The following ASTN1 variants were observed in gnomAD, a reference collection of about 807,000 sequenced individuals.
The protein encoded by ASTN1 is astrotactin-1.
ASTN1 carries 41 observed loss-of-function variants against 140.7 expected under a neutral mutation model. That is an observed-to-expected ratio of 0.29 (90% CI 0.23 to 0.38). ASTN1 has a LOEUF of 0.38. Among genes scored for constraint, ASTN1 ranks in the 10% least tolerant of loss-of-function variants. The pLI, the probability that ASTN1 is intolerant of heterozygous loss-of-function variation, is 1.00. For synonymous variants in ASTN1, 640 were observed against 652.2 expected, an observed-to-expected ratio of 0.98 and a Z score of 0.29; for missense variants, 1,479 against 1,678.8, an observed-to-expected ratio of 0.88 and a Z score of 2.08.
chr1:177,011,417 C>A (rs1186217227), intron 8 of ASTN1, among the ~76,000 whole-genome samples: 1 of 152,142 alleles, frequency 6.6e-6, no homozygotes, highest in Non-Finnish European at 1.5e-5. Flanking sequence ...AGGAACCCAT[C>A]TTCTTCTATA....
At chr1:177,067,847 G>A (rs931786147) in intron 1 of ASTN1, among the ~76,000 whole-genome samples, 1 of 152,114 alleles carries the variant, frequency 6.6e-6, no homozygotes, top group African/African-American at 2.4e-5. Context: ...CAGAGAGGAG[G>A]AACAAAGTCA....
At chr1:176,993,663 T>C (rs1674295628) in intron 8 of ASTN1, among the ~76,000 whole-genome samples, 1 of 152,184 alleles carries the variant, frequency 6.6e-6, no homozygotes, top group African/African-American at 2.4e-5. Flanking sequence ...CATTTTGCCA[T>C]TGAGATACTC....
At chr1:176,930,366 A>C (rs970989858) in intron 16 of ASTN1, among the ~76,000 whole-genome samples, 1 of 152,142 alleles carries the variant, frequency 6.6e-6, no homozygotes, top group Admixed American at 6.5e-5. Context: ...AGAGCAAAGG[A>C]GGTTTCAAGC....
chr1:176,969,253 T>C (rs1371505522), intron 8 of ASTN1, among the ~76,000 whole-genome samples: 1 of 152,186 alleles, frequency 6.6e-6, no homozygotes, highest in African/African-American at 2.4e-5. Context: ...GGCCCTTCTA[T>C]GTGTCTCTCG....
At chr1:176,927,567 G>A (rs2103082479) in intron 16 of ASTN1, among the ~76,000 whole-genome samples, 1 of 152,268 alleles carries the variant, frequency 6.6e-6, no homozygotes, top group East Asian at 1.9e-4. Context: ...ATTTCTCTGG[G>A]ATATACAGAT....
chr1:177,154,564 T>C (rs566688412), intron 1 of ASTN1, among the ~76,000 whole-genome samples: 1 of 152,134 alleles, frequency 6.6e-6, no homozygotes, highest in Admixed American at 6.5e-5. Flanking sequence ...AAAAATATAG[T>C]GCTGAGTGAA....
chr1:177,088,713 T>C (rs1679593400), intron 1 of ASTN1, among the ~76,000 whole-genome samples: 1 of 152,136 alleles, frequency 6.6e-6, no homozygotes, highest in Non-Finnish European at 1.5e-5. Context: ...TGAAGCAAAA[T>C]TTCTGCCCCT....
At chr1:176,986,564 A>T (rs931253452) in intron 8 of ASTN1, among the ~76,000 whole-genome samples, 1 of 152,170 alleles carries the variant, frequency 6.6e-6, no homozygotes, top group African/African-American at 2.4e-5. Context: ...TACTACTCTC[A>T]TATTCATTAA....
At chr1:176,981,909 G>T (rs1221209845) in intron 8 of ASTN1, 1 of 152,418 alleles carries the variant, frequency 6.6e-6, no homozygotes, top group Admixed American at 6.5e-5. Flanking sequence ...GGATTGTTAT[G>T]CTGGGTAGGA....
intron 1 of ASTN1, among the ~76,000 whole-genome samples, chr1:177,161,383 T>C (rs1162232109): frequency 6.6e-6 from 1 of 152,226 alleles, no homozygotes; most frequent in African/African-American, 2.4e-5. Flanking sequence ...ACCTTAAATG[T>C]CTTCACCTTT....
At chr1:177,016,117 C>T (rs1364946578) in intron 7 of ASTN1, among the ~76,000 whole-genome samples, 3 of 151,992 alleles carry the variant, frequency 2.0e-5, no homozygotes, top group African/African-American at 4.8e-5. Flanking sequence ...AGTGAAGGGG[C>T]CTCACAGTTA....
chr1:177,133,526 C>A (rs1174521576), intron 1 of ASTN1, among the ~76,000 whole-genome samples: 1 of 152,102 alleles, frequency 6.6e-6, no homozygotes. Context: ...TGGTGATAGA[C>A]CAAGATGGTA....
rs535509069 is a variant in ASTN1 at position 177,062,268 on chromosome 1, T to G, written c.284-1003A>C. ...TTTTTTTCTTTTTTTTAAGCAAGGG[T>G]CTTGCTCTGTCATCTAGGCTAGAGA... On this transcript the variant is annotated intron_variant, in intron 1 of 22. Transcript: ENST00000361833. Among the ~76,000 whole-genome samples the G allele has an allele frequency of 7.9e-5, 12 of 151,648 alleles. 1 individual carries two copies. Among genetic ancestry groups the G allele is most frequent in the African/African-American group, 2.4e-4 (10 of 41,312 alleles).
chr1:177,051,432 G>A (rs538206239), intron 2 of ASTN1, among the ~76,000 whole-genome samples: 2 of 152,274 alleles, frequency 1.3e-5, no homozygotes, highest in East Asian at 3.9e-4. Context: ...TGGTTACTTG[G>A]GCACTACATT....
At chr1:176,996,874 C>T (rs1674480085) in intron 8 of ASTN1, among the ~76,000 whole-genome samples, 1 of 152,102 alleles carries the variant, frequency 6.6e-6, no homozygotes, top group Admixed American at 6.5e-5. Context: ...CTCCCCTGCC[C>T]CATGGAAAAT....
In ASTN1 at chr1:176,894,273, G is replaced by A. The variant is rs201952872; in HGVS notation, c.2940+289C>T. ...CGAGGGTTCTCTGAACAATGATTTT[G>A]ATGATGGCAAATGTTGTGCCTCCCT... is the stretch of plus-strand genomic sequence containing the variant. On this transcript the variant is annotated intron_variant, in intron 17 of 22. Coordinates refer to ENST00000361833, the MANE Select transcript of ASTN1 (RefSeq NM_004319.3). Among the ~76,000 whole-genome samples, 7 of 152,286 alleles carry A rather than the reference G, an allele frequency of 4.6e-5. No individual in the cohort carries two copies. The East Asian group carries it at 1.4e-3, about 29-fold the overall frequency.
chr1:177,063,662 G>A (rs1227983564), intron 1 of ASTN1, among the ~76,000 whole-genome samples: 2 of 152,024 alleles, frequency 1.3e-5, no homozygotes, highest in Non-Finnish European at 2.9e-5. Context: ...CCACTTGGGC[G>A]CTTATCCTTC....
At chr1:176,876,051 C>T (rs12080889) in intron 21 of ASTN1, among the ~76,000 whole-genome samples, 2,952 of 152,170 alleles carry the variant, frequency 0.019, 77 homozygotes, top group African/African-American at 0.068. Context: ...AAGAACTGGC[C>T]CACAACTTCA....
In ASTN1 at chr1:177,132,967, C is replaced by A. The variant is rs138543802; in HGVS notation, c.283+31427G>T. On this transcript the variant is annotated intron_variant, in intron 1 of 22. Coordinates refer to ENST00000361833, the MANE Select transcript of ASTN1 (RefSeq NM_004319.3). ...CCTCTCCTTGTGATCCAGCATGGGT[C>A]AGATTCTCCAGAAAAAGAATTCTTT... 8.0e-4 allele frequency among the ~76,000 whole-genome samples: 122 copies of A among 152,288 alleles called. 1 individual carries two copies. The highest frequency in any genetic ancestry group is 2.2e-3 in the African/African-American group (93 of 41,558).
Sources: allele counts gnomAD v4.1 joint callset (sites outside exome capture counted in the v4.1 genomes callset), GRCh38; gene constraint gnomAD v4.1.1; transcripts MANE v1.5; gene names NCBI Gene and HGNC (gene_info 2026-07-23, HGNC 2026-07-21).